Variants in CBFA2T3 observed in about 807,000 individuals in gnomAD.
CBFA2T3 encodes transcriptional corepressor CBFA2T3.
CBFA2T3 carries 31 observed loss-of-function variants against 58.6 expected under a neutral mutation model. The ratio of observed to expected loss-of-function variants is 0.53; its 90% confidence interval spans 0.40 to 0.71. The LOEUF (loss-of-function observed/expected upper bound fraction) is 0.71. Among genes scored for constraint, CBFA2T3 ranks in the 30% least tolerant of loss-of-function variants. The probability of loss-of-function intolerance (pLI) is 0.00; values close to 1 mark genes in which losing one functional copy is unlikely to be tolerated. For missense variants in CBFA2T3, 1,076 were observed against 963.1 expected (o/e 1.12, Z -1.55); for synonymous variants, 531 against 421.9 (o/e 1.26, Z -3.17).
intron 1 of CBFA2T3, among the ~76,000 whole-genome samples, chr16:88,966,019 A>G (rs1452069893): frequency 6.6e-6 from 1 of 152,200 alleles, no homozygotes; most frequent in Non-Finnish European, 1.5e-5. Context: ...GAGACCCCAC[A>G]GAGCATGGGT....
intron 1 of CBFA2T3, among the ~76,000 whole-genome samples, chr16:88,914,750 G>A (rs779125217): frequency 2.0e-5 from 3 of 152,224 alleles, no homozygotes; most frequent in Non-Finnish European, 2.9e-5. Flanking sequence ...GCAAAGCCTG[G>A]AAAGGCTGGG....
In CBFA2T3 at chr16:88,910,803, CCTT is replaced by C. The variant is rs1422781509; in HGVS notation, c.152-9150_152-9148del. Reference sequence around the variant, plus strand: ...AGGCAAAGTGAAGGGACGTGGGGCCCCTTCTTGGCAGGCTCTAGGACAGTGGGT... The same window carrying C: ...AGGCAAAGTGAAGGGACGTGGGGCCCCTTGGCAGGCTCTAGGACAGTGGGT... On this transcript the variant is annotated intron_variant, in intron 1 of 11. Coordinates refer to ENST00000268679, the MANE Select transcript of CBFA2T3 (RefSeq NM_005187.6). Among the ~76,000 whole-genome samples, 12 of 152,310 alleles carry C rather than the reference CCTT, an allele frequency of 7.9e-5. 1 individual carries two copies. Among genetic ancestry groups the C allele is most frequent in the Admixed American group, 7.8e-4 (12 of 15,306 alleles).
At chr16:88,919,515 C>T (rs1970844081) in intron 1 of CBFA2T3, among the ~76,000 whole-genome samples, 1 of 152,198 alleles carries the variant, frequency 6.6e-6, no homozygotes, top group African/African-American at 2.4e-5. Context: ...CTGTCCCTAC[C>T]GCCCGGTATT....
chr16:88,940,997 C>T, intron 1 of CBFA2T3: 4 of 971,600 alleles, frequency 4.1e-6, no homozygotes, highest in Non-Finnish European at 4.9e-6. Context: ...GGCGGCGGCG[C>T]GCGGGGCGGA....
intron 1 of CBFA2T3, among the ~76,000 whole-genome samples, chr16:88,935,908 G>A (rs1971482717): frequency 6.6e-6 from 1 of 152,188 alleles, no homozygotes; most frequent in African/African-American, 2.4e-5. Context: ...GGGAATATGT[G>A]GTGTAGGTCA....
chr16:88,941,198 C>A (rs1473097912), intron 1 of CBFA2T3: 1 of 980,652 alleles, frequency 1.0e-6, no homozygotes, highest in Non-Finnish European at 1.2e-6. Flanking sequence ...GCGGGGCGGC[C>A]GCCTGGGCCA....
intron 7 of CBFA2T3, 74 bp downstream of exon 7, chr16:88,884,972 G>T: frequency 8.6e-7 from 1 of 1,167,066 alleles, no homozygotes; most frequent in Non-Finnish European, 1.2e-6. Context: ...GTGCCCACAT[G>T]CTCAGGTGTA....
At position 88,875,215 on chromosome 16, in the gene CBFA2T3, G is replaced by GC. The variant is rs929845408; in HGVS notation, c.*1760dup. On this transcript the variant is annotated 3_prime_UTR_variant, in exon 12 of 12. Coordinates refer to ENST00000268679, the MANE Select transcript of CBFA2T3 (RefSeq NM_005187.6). ...TGCCAAGCCACGGGCCACGCCACAC[G>GC]CACAGATGCCAGGCTGCGGGCCGTG... The GC allele has an allele frequency of 4.3e-6, 1 of 233,624 alleles. No individual in the cohort carries two copies. The highest frequency in any genetic ancestry group is 2.2e-5 in the African/African-American group (1 of 45,186). 14.5% of individuals were successfully genotyped at this position (233,624 alleles called of 1,614,324 possible). A position where few individuals can be genotyped will look rare whatever the true frequency, so the allele number is the denominator to read the frequency against.
At chr16:88,921,430 G>C (rs1026108143) in intron 1 of CBFA2T3, among the ~76,000 whole-genome samples, 1 of 152,238 alleles carries the variant, frequency 6.6e-6, no homozygotes, top group African/African-American at 2.4e-5. Context: ...TGACGGATGG[G>C]GTGGCAGGGA....
intron 7 of CBFA2T3, chr16:88,883,933 C>G (rs1247979762): frequency 6.6e-6 from 1 of 152,274 alleles, no homozygotes; most frequent in African/African-American, 2.4e-5. Flanking sequence ...TCTTGGGGCC[C>G]TTTTCAGCCC....
chr16:88,916,825 G>T (rs1009128165), intron 1 of CBFA2T3, among the ~76,000 whole-genome samples: 19 of 152,274 alleles, frequency 1.2e-4, no homozygotes, highest in African/African-American at 4.6e-4. Context: ...GTGGCCAACA[G>T]AGAGGAGGTC....
chr16:88,880,427 G>C (rs571384325), intron 10 of CBFA2T3, among the ~76,000 whole-genome samples: 1 of 152,356 alleles, frequency 6.6e-6, no homozygotes, highest in South Asian at 2.1e-4. Context: ...ACGCGCCCAG[G>C]CTCCGAGTGT....
chr16:88,967,865 G>A (rs376410556), intron 1 of CBFA2T3, among the ~76,000 whole-genome samples: 21 of 152,352 alleles, frequency 1.4e-4, no homozygotes, highest in East Asian at 1.2e-3. Flanking sequence ...AGCGGGGGTC[G>A]GCGTGAGCTG....
At chr16:88,917,378 G>C (rs1264134770) in intron 1 of CBFA2T3, among the ~76,000 whole-genome samples, 1 of 152,260 alleles carries the variant, frequency 6.6e-6, no homozygotes, top group African/African-American at 2.4e-5. Flanking sequence ...GGAGGGCACA[G>C]AGGCTGGGAT....
chr16:88,922,765 G>C (rs144870133), intron 1 of CBFA2T3, among the ~76,000 whole-genome samples: 2 of 152,200 alleles, frequency 1.3e-5, no homozygotes, highest in African/African-American at 2.4e-5. Context: ...CCTCGGAGAC[G>C]GTGACACCAC....
intron 1 of CBFA2T3, among the ~76,000 whole-genome samples, chr16:88,927,463 G>A (rs958098327): frequency 6.6e-6 from 1 of 152,218 alleles, no homozygotes; most frequent in African/African-American, 2.4e-5. Context: ...GGAGGGGCTG[G>A]GGAAGAGGTG....
At chr16:88,936,563 C>A (rs1274670391) in intron 1 of CBFA2T3, among the ~76,000 whole-genome samples, 3 of 152,168 alleles carry the variant, frequency 2.0e-5, no homozygotes, top group Admixed American at 6.5e-5. Context: ...TCTGAGCTGC[C>A]CAGACCCGAC....
chr16:88,974,544 G>T (rs1287822623), intron 1 of CBFA2T3, among the ~76,000 whole-genome samples: 1 of 152,152 alleles, frequency 6.6e-6, no homozygotes, highest in Non-Finnish European at 1.5e-5. Context: ...GCCACCAAAC[G>T]CGCAGCAACA....
At chr16:88,909,680 AGAG>A (rs1419818023) in intron 1 of CBFA2T3, among the ~76,000 whole-genome samples, 1 of 152,178 alleles carries the variant, frequency 6.6e-6, no homozygotes, top group Non-Finnish European at 1.5e-5. Flanking sequence ...AGATGTGCAA[AGAG>A]GAGACCCCGA....
Sources: allele counts gnomAD v4.1 joint callset (sites outside exome capture counted in the v4.1 genomes callset), GRCh38; gene constraint gnomAD v4.1.1; transcripts MANE v1.5; gene names NCBI Gene and HGNC (gene_info 2026-07-23, HGNC 2026-07-21).